RHBDL3: variants seen among roughly 807,000 people sequenced by gnomAD.
RHBDL3 encodes the protein rhomboid like 3, also known as rhomboid-related protein 3.
Under a neutral mutation model 48.2 loss-of-function variants are expected in RHBDL3, and 28 were observed. The observed-to-expected ratio is 0.58, with a 90% CI of 0.43 to 0.80. The LOEUF is 0.80. RHBDL3 is among the 30% of genes least tolerant of loss of function. RHBDL3 has a pLI of 0.00. For missense variants in RHBDL3, 464 were observed against 542.7 expected, an observed-to-expected ratio of 0.85 and a Z score of 1.44; for synonymous variants, 208 against 232.3, an observed-to-expected ratio of 0.90 and a Z score of 0.95.
intron 5 of RHBDL3, 78 bp from the exon 6 acceptor site, chr17:32,298,014 G>T (rs990480067): frequency 3.9e-6 from 4 of 1,035,780 alleles, no homozygotes; most frequent in Admixed American, 3.5e-5. Context: ...CATCTTGGGG[G>T]ATGCAGGTGT....
chr17:32,267,435 GGGGA>G (rs1216795395), intron 1 of RHBDL3, among the ~76,000 whole-genome samples: 14 of 143,402 alleles, frequency 9.8e-5, no homozygotes, highest in African/African-American at 3.9e-4. Context: ...TCTCCTGGGG[GGGGA>G]GGGGGGGGCT....
intron 7 of RHBDL3, among the ~76,000 whole-genome samples, chr17:32,314,355 C>T (rs1162468403): frequency 6.6e-6 from 1 of 152,068 alleles, no homozygotes; most frequent in Non-Finnish European, 1.5e-5. Flanking sequence ...GTGAATAATG[C>T]TGCTATGAAC....
At chr17:32,294,141 A>AC (rs2040397311) in intron 4 of RHBDL3, among the ~76,000 whole-genome samples, 153 bp from the exon 5 acceptor site, 1 of 151,920 alleles carries the variant, frequency 6.6e-6, no homozygotes, top group African/African-American at 2.4e-5. Context: ...AAAAAAAAAA[A>AC]AAAACTCAGT....
At chr17:32,310,046 G>T (rs1393139165) in intron 7 of RHBDL3, among the ~76,000 whole-genome samples, 1 of 151,792 alleles carries the variant, frequency 6.6e-6, no homozygotes, top group Non-Finnish European at 1.5e-5. Flanking sequence ...ACCATGCCCC[G>T]CCAAGACTTC....
rs113159709 is a variant in RHBDL3, at chr17:32,276,821, C to G, written c.136-7838C>G. 9.6e-3 allele frequency among the ~76,000 whole-genome samples: 836 copies of G among 87,292 alleles called. 4 individuals carry two copies. Among genetic ancestry groups the G allele is most frequent in the South Asian group, 0.01 (23 of 2,294 alleles). 57.3% of individuals were successfully genotyped at this position (87,292 alleles called of 152,430 possible). On this transcript the variant is annotated intron_variant, in intron 2 of 8. Transcript: ENST00000269051. ...CTTACTCCGGCCCTAGCACAGTACT[C>G]CGGCCCTAGCACCTTACTCCGGCCC... is the stretch of plus-strand genomic sequence containing the variant.
chr17:32,292,995 A>T (rs1372256489), intron 4 of RHBDL3, among the ~76,000 whole-genome samples: 1 of 152,076 alleles, frequency 6.6e-6, no homozygotes, highest in East Asian at 1.9e-4. Context: ...CTCAAAAAAA[A>T]GGGGGATCAT....
intron 3 of RHBDL3, among the ~76,000 whole-genome samples, chr17:32,286,011 C>T (rs1231963121): frequency 6.6e-6 from 1 of 152,124 alleles, no homozygotes; most frequent in African/African-American, 2.4e-5. Flanking sequence ...TCAGAGTGGA[C>T]CCGGGGAGCA....
intron 8 of RHBDL3, among the ~76,000 whole-genome samples, chr17:32,319,327 C>T (rs1362771715): frequency 3.8e-4 from 55 of 144,358 alleles, no homozygotes; most frequent in Admixed American, 3.8e-3. Context: ...GAGGCTGAGG[C>T]AGGAGAATGG....
At position 32,294,332 on chromosome 17, in the gene RHBDL3, A is replaced by C; in HGVS notation, c.558A>C (p.Gln186His). ...TCTACAATGGGGTGTCACTAGGTCA[A>C]TTTGTACTGCAGGTAACTCATCCAC... ...FFLYNGVSLG[Q>H]FVLQVTHPRY... Residue 186 changes from glutamine (Q) to histidine (H), a missense_variant, in exon 5 of 9, where the codon CAA becomes CAC. Physicochemically the swap from Gln to His is conservative, Grantham distance 24 (BLOSUM62 0). Transcript: ENST00000269051. The C allele has an allele frequency of 1.2e-6, 2 of 1,613,954 alleles. No homozygotes were observed. Among genetic ancestry groups the C allele is most frequent in the Non-Finnish European group, 1.7e-6 (2 of 1,179,970 alleles).
At chr17:32,273,294 G>A (rs8081568) in intron 2 of RHBDL3, among the ~76,000 whole-genome samples, 11,922 of 152,196 alleles carry the variant, frequency 0.078, 1,581 homozygotes, top group African/African-American at 0.27. Context: ...GAGCCACCGC[G>A]CCCAGCCCAG....
Position 32,267,886 on chromosome 17 carries a change from C to G in RHBDL3, c.112-16C>G, listed in dbSNP as rs1245687540. 6.2e-7 allele frequency: 1 copy of G among 1,613,824 alleles called. No individual in the cohort carries two copies. Among genetic ancestry groups the G allele is most frequent in the African/African-American group, 1.3e-5 (1 of 74,896 alleles). On this transcript the variant is annotated splice_polypyrimidine_tract_variant and intron_variant, in intron 1 of 8. Coordinates refer to ENST00000269051, the MANE Select transcript of RHBDL3 (RefSeq NM_138328.3). ...CTCCTCTTCTTCCTCTCCTGCATGGCCTCCCTCTCTGCCAGCACTGGAAAG... is the reference window on the plus strand; with the variant it reads ...CTCCTCTTCTTCCTCTCCTGCATGGGCTCCCTCTCTGCCAGCACTGGAAAG...
chr17:32,266,108 C>T lies in RHBDL3; in HGVS notation c.-82C>T, dbSNP rs2150681139. On this transcript the variant is annotated 5_prime_UTR_variant, in exon 1 of 9. Transcript: ENST00000269051. ...GGCGCGCACTGAGCCCCTGGAGCGG[C>T]GCGGCCGCCGCGGCGCAAAGTTAGC... The T allele has an allele frequency of 2.9e-6, 1 of 341,508 alleles. No individual in the cohort carries two copies. The highest frequency in any genetic ancestry group is 4.1e-6 in the Non-Finnish European group (1 of 241,218). The allele number at this position is 341,508 out of a possible 1,614,324, so 21.2% of individuals were successfully genotyped here.
At chr17:32,285,049 C>T (rs1567769841) in intron 3 of RHBDL3, among the ~76,000 whole-genome samples, 1 of 152,092 alleles carries the variant, frequency 6.6e-6, no homozygotes, top group Admixed American at 6.5e-5. Flanking sequence ...TTCAGACCCT[C>T]CTGTTGTGGC....
intron 2 of RHBDL3, among the ~76,000 whole-genome samples, chr17:32,275,581 C>G (rs1597615193): frequency 6.6e-6 from 1 of 152,168 alleles, no homozygotes; most frequent in South Asian, 2.1e-4. Flanking sequence ...CCTCACTTCC[C>G]AGATGTTGGG....
intron 2 of RHBDL3, among the ~76,000 whole-genome samples, chr17:32,271,713 T>G (rs988316504): frequency 4.6e-5 from 7 of 152,204 alleles, no homozygotes; most frequent in African/African-American, 1.7e-4. Context: ...GCACAATTGC[T>G]TTCAAGCTCA....
At chr17:32,285,433 A>G (rs1166172127) in intron 3 of RHBDL3, among the ~76,000 whole-genome samples, 1 of 152,006 alleles carries the variant, frequency 6.6e-6, no homozygotes, top group Non-Finnish European at 1.5e-5. Flanking sequence ...CATGTGGTAG[A>G]GCCAGAGCTC....
rs759709457 is a variant in RHBDL3 at position 32,305,917 on chromosome 17, C to CAA, written c.882+489_882+490dup. On this transcript the variant is annotated intron_variant, in intron 7 of 8. Transcript: ENST00000269051. ...TGGGGGAGAGAGTGAGATTCTTTCT[C>CAA]AAAAAAAAAAAAAATTTGGTCACTA... is the stretch of plus-strand genomic sequence containing the variant. Among the ~76,000 whole-genome samples the CAA allele has an allele frequency of 1.6e-3, 234 of 142,786 alleles. 1 individual carries two copies. In the Middle Eastern group the frequency reaches 0.021, roughly 13 times the overall value. The allele number at this position is 142,786 out of a possible 152,430, so 93.7% of individuals were successfully genotyped here.
intron 2 of RHBDL3, among the ~76,000 whole-genome samples, chr17:32,277,757 A>G (rs1160973116): frequency 1.3e-5 from 2 of 152,278 alleles, no homozygotes; most frequent in East Asian, 1.9e-4. Flanking sequence ...CTGTGGACTC[A>G]TACCTTGTTC....
At chr17:32,316,661 C>T (rs917956722) in intron 8 of RHBDL3, among the ~76,000 whole-genome samples, 4 of 151,660 alleles carry the variant, frequency 2.6e-5, no homozygotes, top group African/African-American at 9.7e-5. Flanking sequence ...TGGGACTACA[C>T]ATGTGTGGGT....
Sources: allele counts gnomAD v4.1 joint callset (sites outside exome capture counted in the v4.1 genomes callset), GRCh38; gene constraint gnomAD v4.1.1; transcripts MANE v1.5; gene names NCBI Gene and HGNC (gene_info 2026-07-23, HGNC 2026-07-21).